Variants in ADAMTSL3 observed in about 807,000 individuals in gnomAD.
ADAMTSL3 encodes ADAMTS like 3.
Under a neutral mutation model 201.7 loss-of-function variants are expected in ADAMTSL3, and 128 were observed. The observed-to-expected ratio is 0.63, with a 90% CI of 0.55 to 0.73. The LOEUF (loss-of-function observed/expected upper bound fraction) is 0.73. Among genes scored for constraint, ADAMTSL3 ranks in the 30% least tolerant of loss-of-function variants. ADAMTSL3 has a pLI of 0.00. For missense variants in ADAMTSL3, 1,990 were observed against 2,119.6 expected (o/e 0.94, Z 1.20); for synonymous variants, 738 against 748.4 (o/e 0.99, Z 0.23).
Position 83,693,904 on chromosome 15 carries a change from C to T in ADAMTSL3, c.70-10485C>T, listed in dbSNP as rs183007196. Among the ~76,000 whole-genome samples the T allele has an allele frequency of 7.9e-5, 12 of 152,284 alleles. No homozygotes were observed. The East Asian group carries it at 2.1e-3, about 27-fold the overall frequency. On this transcript the variant is annotated intron_variant, in intron 2 of 29. Coordinates refer to ENST00000286744, the MANE Select transcript of ADAMTSL3 (RefSeq NM_207517.3). Reference sequence around the variant, plus strand: ...GTGAACCCCAAGAATTAACCTAACACTCCATTCTTTTGAGATTCTCCCCCC... The same window carrying T: ...GTGAACCCCAAGAATTAACCTAACATTCCATTCTTTTGAGATTCTCCCCCC...
At chr15:83,755,629 A>T (rs1316748897) in intron 3 of ADAMTSL3, among the ~76,000 whole-genome samples, 4 of 152,306 alleles carry the variant, frequency 2.6e-5, no homozygotes, top group South Asian at 4.1e-4. Context: ...ATTCCACTGC[A>T]TGTGTACACT....
Position 83,913,435 on chromosome 15 carries a change from A to C in ADAMTSL3, c.1987+57A>C, listed in dbSNP as rs558382460. 2.3e-4 allele frequency: 353 copies of C among 1,560,678 alleles called. No homozygotes were observed. The African/African-American group carries it at 4.3e-3, about 19-fold the overall frequency. On this transcript the variant is annotated intron_variant, in intron 16 of 29. Coordinates refer to ENST00000286744, the MANE Select transcript of ADAMTSL3 (RefSeq NM_207517.3). ...GTTGTGTGTTGCTAGTGGTTTGAGA[A>C]ATTACTCAATCAGGTAAGCCAAATA...
chr15:83,998,802 G>T (rs1457726240), intron 23 of ADAMTSL3, among the ~76,000 whole-genome samples: 1 of 152,168 alleles, frequency 6.6e-6, no homozygotes, highest in Non-Finnish European at 1.5e-5. Flanking sequence ...GAGATAACTA[G>T]ATAAGATCTT....
At chr15:83,917,985 TATTG>T (rs1454267324) in intron 16 of ADAMTSL3, among the ~76,000 whole-genome samples, 4 of 152,216 alleles carry the variant, frequency 2.6e-5, no homozygotes, top group South Asian at 2.1e-4. Context: ...ATTGGAATGC[TATTG>T]ATTATTTCTC....
At chr15:83,735,014 A>T (rs1404875395) in intron 3 of ADAMTSL3, among the ~76,000 whole-genome samples, 1 of 152,192 alleles carries the variant, frequency 6.6e-6, no homozygotes, top group Non-Finnish European at 1.5e-5. Flanking sequence ...ACCTGTAGTT[A>T]TAATAGTTCA....
intron 25 of ADAMTSL3, among the ~76,000 whole-genome samples, chr15:84,019,097 A>ACACACG (rs1247845770): frequency 2.0e-5 from 3 of 151,676 alleles, no homozygotes; most frequent in Non-Finnish European, 2.9e-5. Context: ...ACACACACAC[A>ACACACG]CACACACACA....
chr15:84,037,935 T>A lies in ADAMTSL3; in HGVS notation c.*129T>A. 7.4e-7 allele frequency: 1 copy of A among 1,347,032 alleles called. No homozygotes were observed. The highest frequency in any genetic ancestry group is 9.8e-7 in the Non-Finnish European group (1 of 1,022,980). The allele number at this position is 1,347,032 out of a possible 1,614,324, so 83.4% of individuals were successfully genotyped here. On this transcript the variant is annotated 3_prime_UTR_variant, in exon 30 of 30. Coordinates refer to ENST00000286744, the MANE Select transcript of ADAMTSL3 (RefSeq NM_207517.3). ...ATTCTATGGATCAAACAGAGGTTGA[T>A]GCAAAAACACCACTGTTAAGGTGTA...
chr15:83,822,517 G>T (rs1185993317), intron 6 of ADAMTSL3, among the ~76,000 whole-genome samples: 1 of 142,124 alleles, frequency 7.0e-6, no homozygotes, highest in African/African-American at 2.9e-5. Context: ...CTCCCAGACG[G>T]GGTTGCGGCC....
rs2068520514 is a variant in ADAMTSL3 at position 84,036,912 on chromosome 15, C to T, written c.4894C>T (p.Pro1632Ser). ...CTGTATCCACACAAGGAGTTGCAAA[C>T]CTGTGGCCAAGAGACACTGTGTACA... ...VDCIHTRSCK[P>S]VAKRHCVQKK... Residue 1632 changes from proline (P) to serine (S), a missense_variant, in exon 29 of 30, where the codon CCT (proline) becomes TCT (serine). By Grantham distance (74) the Pro-to-Ser change is moderately conservative (BLOSUM62 -1). Transcript: ENST00000286744. 1 of 1,614,028 alleles carries T rather than the reference C, an allele frequency of 6.2e-7. No individual in the cohort carries two copies. The highest frequency in any genetic ancestry group is 8.5e-7 in the Non-Finnish European group (1 of 1,180,028).
rs2065686130 is a variant in ADAMTSL3, at chr15:83,899,679, C to G, written c.1648C>G (p.Leu550Val). ...TCCAGTGGAAGCAAAATTGCCTTGGCTGAAACAAGCACAAGAACTAGAAGA... is the reference window on the plus strand; with the variant it reads ...TCCAGTGGAAGCAAAATTGCCTTGGGTGAAACAAGCACAAGAACTAGAAGA... Reference protein sequence around the residue: ...KSPVEAKLPWLKQAQELEETR... With the variant: ...KSPVEAKLPWVKQAQELEETR... The change falls in exon 15 of 30, where the codon CTG (leucine) becomes GTG (valine). Residue 550 changes from leucine to valine, a missense_variant. Physicochemically the swap from Leu to Val is conservative, Grantham distance 32. Coordinates refer to ENST00000286744, the MANE Select transcript of ADAMTSL3 (RefSeq NM_207517.3). 6.2e-7 allele frequency: 1 copy of G among 1,612,250 alleles called. No individual in the cohort carries two copies. Among genetic ancestry groups the G allele is most frequent in the African/African-American group, 1.3e-5 (1 of 74,908 alleles).
chr15:83,748,480 T>C (rs2062583917), intron 3 of ADAMTSL3, among the ~76,000 whole-genome samples: 1 of 151,608 alleles, frequency 6.6e-6, no homozygotes, highest in Non-Finnish European at 1.5e-5. Flanking sequence ...AAACCCTGTC[T>C]TTACAAAAAA....
intron 5 of ADAMTSL3, among the ~76,000 whole-genome samples, chr15:83,814,869 C>T (rs1337520174): frequency 6.6e-6 from 1 of 152,092 alleles, no homozygotes; most frequent in African/African-American, 2.4e-5. Context: ...CAGGTAATGG[C>T]CTGTCTCTCT....
intron 6 of ADAMTSL3, among the ~76,000 whole-genome samples, chr15:83,836,825 G>A (rs2064278635): frequency 6.6e-6 from 1 of 152,138 alleles, no homozygotes; most frequent in Admixed American, 6.5e-5. Context: ...CCTGCAGCTT[G>A]AAAGGGTGGT....
chr15:83,775,877 T>C (rs1489214761), intron 4 of ADAMTSL3, among the ~76,000 whole-genome samples: 1 of 152,140 alleles, frequency 6.6e-6, no homozygotes, highest in African/African-American at 2.4e-5. Context: ...CTTCTCCCTA[T>C]TTACATGTGC....
At chr15:83,815,868 C>T (rs1008381336) in intron 5 of ADAMTSL3, among the ~76,000 whole-genome samples, 2 of 152,176 alleles carry the variant, frequency 1.3e-5, no homozygotes, top group African/African-American at 2.4e-5. Flanking sequence ...TAATCCTGAC[C>T]TACCTAGTTC....
intron 4 of ADAMTSL3, among the ~76,000 whole-genome samples, chr15:83,778,672 A>G (rs1215946085): frequency 6.6e-6 from 1 of 152,216 alleles, no homozygotes; most frequent in East Asian, 1.9e-4. Context: ...CATACTGAAG[A>G]ATACAGACCA....
chr15:83,804,782 G>T, intron 5 of ADAMTSL3, 87 bp downstream of exon 5: 5 of 981,072 alleles, frequency 5.1e-6, no homozygotes, highest in African/African-American at 1.7e-5. Context: ...TAAAACTGAT[G>T]GTCTCTTAAT....
At chr15:83,721,466 G>A (rs1353800006) in intron 3 of ADAMTSL3, among the ~76,000 whole-genome samples, 2 of 152,206 alleles carry the variant, frequency 1.3e-5, no homozygotes, top group Non-Finnish European at 2.9e-5. Context: ...AAGCCTCTTA[G>A]TAAAGGATTT....
intron 20 of ADAMTSL3, 75 bp downstream of exon 20, chr15:83,970,712 T>A (rs1057347036): frequency 1.3e-6 from 2 of 1,554,674 alleles, no homozygotes; most frequent in Non-Finnish European, 8.8e-7. Context: ...TTATTTTCCA[T>A]ACGTCAACAG....
Sources: allele counts gnomAD v4.1 joint callset (sites outside exome capture counted in the v4.1 genomes callset), GRCh38; gene constraint gnomAD v4.1.1; transcripts MANE v1.5; gene names NCBI Gene and HGNC (gene_info 2026-07-23, HGNC 2026-07-21).